Variants in COX17 observed in about 807,000 individuals in gnomAD.
The protein encoded by COX17 is cytochrome c oxidase copper chaperone COX17.
A neutral mutation model predicts 6.3 loss-of-function variants in COX17; 1 was observed. The ratio of observed to expected loss-of-function variants is 0.16; its 90% confidence interval spans 0.06 to 0.75. The LOEUF (loss-of-function observed/expected upper bound fraction) is 0.75, where lower values mean the gene tolerates loss of function less well. COX17 is among the 30% of genes least tolerant of loss of function. The pLI is 0.77. For synonymous variants in COX17, 26 were observed against 30.5 expected (o/e 0.85, Z 0.49); for missense variants, 73 against 81.2 (o/e 0.90, Z 0.39).
At chr3:119,667,510 T>C (rs1023571065), downstream of COX17, among the ~76,000 whole-genome samples, 1 of 152,160 alleles carries the variant, frequency 6.6e-6, no homozygotes, top group Non-Finnish European at 1.5e-5. Context: ...AATGGATATA[T>C]TTTTTCTAGA....
downstream of COX17, chr3:119,669,522 A>G (rs982406298): frequency 1.3e-5 from 2 of 152,188 alleles, no homozygotes; most frequent in Non-Finnish European, 2.9e-5. Flanking sequence ...AAGAAACACA[A>G]CTGAAGATCT....
chr3:119,668,079 TAAA>T (rs1368227625), downstream of COX17, among the ~76,000 whole-genome samples: 1 of 152,180 alleles, frequency 6.6e-6, no homozygotes, highest in Non-Finnish European at 1.5e-5. Context: ...TCACTGATGG[TAAA>T]ATACCTTAGG....
In COX17 at chr3:119,677,383, G is replaced by A. The variant is rs1044362660; in HGVS notation, c.-73C>T. 23 of 1,191,438 alleles carry A rather than the reference G, an allele frequency of 1.9e-5. No homozygotes were observed. The East Asian group carries it at 3.2e-4, about 17-fold the overall frequency. The allele number at this position is 1,191,438 out of a possible 1,614,324, so 73.8% of individuals were successfully genotyped here. On this transcript the variant is annotated 5_prime_UTR_variant, in exon 1 of 3. Coordinates refer to ENST00000261070, the MANE Select transcript of COX17 (RefSeq NM_005694.2). ...AGCCTCGGCAAACGCCGATTCGTCC[G>A]CAGTCACTTCCGGCAGTCGCTCTAA...
At chr3:119,668,072 C>G (rs903656220), downstream of COX17, among the ~76,000 whole-genome samples, 2 of 152,102 alleles carry the variant, frequency 1.3e-5, no homozygotes, top group South Asian at 4.1e-4. Context: ...CCTATACTCA[C>G]TGATGGTAAA....
intron 3 of COX17, among the ~76,000 whole-genome samples, chr3:119,664,445 AG>A (rs2052975784): frequency 7.1e-6 from 1 of 141,112 alleles, no homozygotes; most frequent in Admixed American, 7.4e-5. Flanking sequence ...CCCCAGCTAG[AG>A]GAGGGCATTC....
downstream of COX17, chr3:119,666,769 T>C (rs1295046364): frequency 6.6e-6 from 1 of 152,164 alleles, no homozygotes; most frequent in Non-Finnish European, 1.5e-5. Flanking sequence ...GAAAAACGTG[T>C]CTGATTCACA....
At chr3:119,669,908 ACT>A (rs961181177) in intron 2 of COX17, among the ~76,000 whole-genome samples, 8 of 151,878 alleles carry the variant, frequency 5.3e-5, no homozygotes, top group South Asian at 2.1e-4. Context: ...TGAAGTAAAA[ACT>A]CTCTCTGCGT....
chr3:119,673,021 C>A (rs183980509), intron 2 of COX17, among the ~76,000 whole-genome samples: 4 of 152,228 alleles, frequency 2.6e-5, no homozygotes, highest in Non-Finnish European at 1.5e-5. Context: ...GAAAGAGGTG[C>A]AAGGGAAAGA....
chr3:119,674,497 CT>C (rs1272730252), intron 2 of COX17: 1 of 152,236 alleles, frequency 6.6e-6, no homozygotes, highest in Non-Finnish European at 1.5e-5. Flanking sequence ...CCACTCCCTA[CT>C]TAAAAGCATT....
At chr3:119,674,322 A>T (rs1405205639) in intron 2 of COX17, 1 of 152,212 alleles carries the variant, frequency 6.6e-6, no homozygotes, top group Non-Finnish European at 1.5e-5. Context: ...GTGTGAAGTG[A>T]CAGCCTTGTG....
At chr3:119,675,469 G>A (rs79456079) in intron 1 of COX17, 10,420 of 468,790 alleles carry the variant, frequency 0.022, 147 homozygotes, top group Non-Finnish European at 0.03. Flanking sequence ...AAATAATCAC[G>A]CATATTAAAT....
rs147606201 is a variant in COX17 at position 119,676,224 on chromosome 3, C to CGGT, written c.107+979_107+980insACC. On this transcript the variant is annotated intron_variant, in intron 1 of 2. Transcript: ENST00000261070. ...CCAGACTCTTAATCATGCTGTCATA[C>CGGT]CATTCAAGGTTCAACAGCACTTACT... is the stretch of plus-strand genomic sequence containing the variant. Among the ~76,000 whole-genome samples, 646 of 152,298 alleles carry CGGT rather than the reference C, an allele frequency of 4.2e-3. 2 individuals are homozygous for CGGT. Among genetic ancestry groups the CGGT allele is most frequent in the African/African-American group, 0.014 (598 of 41,558 alleles).
downstream of COX17, among the ~76,000 whole-genome samples, chr3:119,669,049 C>A (rs114464534): frequency 7.9e-5 from 12 of 151,966 alleles, no homozygotes; most frequent in African/African-American, 1.9e-4. Context: ...CCTGTAGGCA[C>A]GAAACTTAAG....
chr3:119,675,085 T>C (rs928587555), intron 2 of COX17, 60 bp downstream of exon 2: 3 of 1,169,690 alleles, frequency 2.6e-6, no homozygotes, highest in Admixed American at 1.7e-5. Context: ...TCAGAGAGAA[T>C]GTAGCCCAAT....
chr3:119,674,856 A>T, intron 2 of COX17: 1 of 306,254 alleles, frequency 3.3e-6, no homozygotes, highest in Non-Finnish European at 6.0e-6. Flanking sequence ...AACAAGAAAG[A>T]GAATATGTTT....
rs2053023996 is a variant in COX17 at position 119,669,562 on chromosome 3, C to A, written c.*108G>T. On this transcript the variant is annotated 3_prime_UTR_variant, in exon 3 of 3. Coordinates refer to ENST00000261070, the MANE Select transcript of COX17 (RefSeq NM_005694.2). ...CTAGTAATATTTTACTTTCTTCTTA[C>A]AATAAATTATAAATACTTTTTCCAC... 3 of 152,138 alleles carry A rather than the reference C, an allele frequency of 2.0e-5. No homozygotes were observed. The highest frequency in any genetic ancestry group is 1.3e-4 in the Admixed American group (2 of 15,274). The allele number at this position is 152,138 out of a possible 1,614,324, so 9.4% of individuals were successfully genotyped here. A position where few individuals can be genotyped will look rare whatever the true frequency, so the allele number is the denominator to read the frequency against.
chr3:119,669,250 T>TAAAAAA (rs58241792), downstream of COX17: 135 of 141,950 alleles, frequency 9.5e-4, no homozygotes, highest in East Asian at 4.2e-3. Flanking sequence ...TTAAGAAAGT[T>TAAAAAA]AAAAAAAAAA....
chr3:119,665,477 C>G (rs568951778), downstream of COX17, among the ~76,000 whole-genome samples: 1 of 152,140 alleles, frequency 6.6e-6, no homozygotes, highest in African/African-American at 2.4e-5. Flanking sequence ...TGGGTTCAAG[C>G]GATCTTCTCA....
In COX17 at chr3:119,677,305, C is replaced by A; in HGVS notation, c.6G>T (p.Pro2=). M[P]GLVDSNPAPP... ...GGGCAGGGTTTGAGTCAACCAGACCCGGCATCTTTCGCGCCAAAAGCAGCT... is the reference window on the plus strand; with the variant it reads ...GGGCAGGGTTTGAGTCAACCAGACCAGGCATCTTTCGCGCCAAAAGCAGCT... Residue 2 remains proline, a synonymous_variant, in exon 1 of 3, where the codon CCG becomes CCT. Transcript: ENST00000261070. 1.2e-6 allele frequency: 2 copies of A among 1,611,124 alleles called. No homozygotes were observed. Among genetic ancestry groups the A allele is most frequent in the Non-Finnish European group, 1.7e-6 (2 of 1,179,528 alleles).
Sources: gnomAD v4.1 joint callset for allele counts (sites outside exome capture counted in the v4.1 genomes callset) on GRCh38, gnomAD v4.1.1 for gene constraint, MANE v1.5 for transcripts, NCBI Gene and HGNC (gene_info 2026-07-23, HGNC 2026-07-21) for gene names.